HOXA3: variants seen among roughly 807,000 people sequenced by gnomAD.
HOXA3 encodes the protein homeobox A3.
A neutral mutation model predicts 30.3 loss-of-function variants in HOXA3; 8 were observed. That is an observed-to-expected ratio of 0.26 (90% CI 0.15 to 0.48). HOXA3 has a LOEUF of 0.48. HOXA3 is among the 20% of genes least tolerant of loss of function. The probability of loss-of-function intolerance (pLI) is 0.99; values close to 1 mark genes in which losing one functional copy is unlikely to be tolerated. For missense variants in HOXA3, 653 were observed against 614.4 expected, an observed-to-expected ratio of 1.06 and a Z score of -0.66; for synonymous variants, 323 against 273.1, an observed-to-expected ratio of 1.18 and a Z score of -1.80.
At chr7:27,118,971 A>G (rs1240197878) in intron 4 of HOXA3, among the ~76,000 whole-genome samples, 4 of 152,222 alleles carry the variant, frequency 2.6e-5, no homozygotes, top group African/African-American at 9.6e-5. Flanking sequence ...CCACTAGGAA[A>G]GATGTGCTTG....
At position 27,108,756 on chromosome 7, in the gene HOXA3, G is replaced by C; in HGVS notation, c.527-36C>G. 1 of 1,509,112 alleles carries C rather than the reference G, an allele frequency of 6.6e-7. No homozygotes were observed. 93.5% of individuals were successfully genotyped at this position (1,509,112 alleles called of 1,614,324 possible). On this transcript the variant is annotated intron_variant, in intron 5 of 5. Transcript: ENST00000612286. The surrounding 1 kb of genome is among the most constrained non-coding windows in gnomAD (Gnocchi z 5.0). ...AGAGAGAGGAAGAGCGGCGTCAGGG[G>C]CTGCCGCGGCCCCGCCCAGCCCCTG...
chr7:27,111,980 C>G (rs1784404912), intron 4 of HOXA3, among the ~76,000 whole-genome samples: 1 of 152,318 alleles, frequency 6.6e-6, no homozygotes, highest in South Asian at 2.1e-4. Flanking sequence ...TATTTTGTTA[C>G]TTGGCCTATT....
chr7:27,132,015 T>C (rs1157767089), intron 2 of HOXA3, among the ~76,000 whole-genome samples: 1 of 152,228 alleles, frequency 6.6e-6, no homozygotes, highest in African/African-American at 2.4e-5. Context: ...TATTAACAAA[T>C]AAATTACTTA....
chr7:27,147,750 T>G (rs1240202751), intron 1 of HOXA3: 1 of 1,603,836 alleles, frequency 6.2e-7, no homozygotes, highest in East Asian at 2.2e-5. Flanking sequence ...AGGAACTCAT[T>G]TGCGCGCCCC....
At chr7:27,112,522 G>A (rs568970081) in intron 4 of HOXA3, among the ~76,000 whole-genome samples, 2 of 152,302 alleles carry the variant, frequency 1.3e-5, no homozygotes, top group South Asian at 4.1e-4. Context: ...CAGTGATCAT[G>A]AGCCCTGGAG....
chr7:27,151,671 T>C, intron 1 of HOXA3: 2 of 456,752 alleles, frequency 4.4e-6, no homozygotes, highest in Non-Finnish European at 8.8e-6. Context: ...CGGAGAACTC[T>C]GGCTGAATTA....
chr7:27,126,433 G>T (rs1221317332), intron 3 of HOXA3, among the ~76,000 whole-genome samples: 5 of 147,684 alleles, frequency 3.4e-5, no homozygotes, highest in African/African-American at 1.3e-4. Context: ...GGGGCCAGTA[G>T]GGTTTGCTTA....
chr7:27,113,961 C>G lies in HOXA3; in HGVS notation c.-120-3201G>C, dbSNP rs972474240. The G allele has an allele frequency of 2.7e-5, 4 of 149,626 alleles. No homozygotes were observed. The highest frequency in any genetic ancestry group is 4.9e-5 in the African/African-American group (2 of 40,920). 9.3% of individuals were successfully genotyped at this position (149,626 alleles called of 1,614,324 possible). A position where few individuals can be genotyped will look rare whatever the true frequency, so the allele number is the denominator to read the frequency against. On this transcript the variant is annotated intron_variant, in intron 4 of 5. Transcript: ENST00000612286. This position sits in a 1 kb window ranked among gnomAD's most constrained non-coding sequence, Gnocchi z 4.8. Reference sequence around the variant, plus strand: ...CCGGAGATAAGCGCTAGTGCGGCGCCGGGCTCTGCCTGGGCTAGTGGCACC... The same window carrying G: ...CCGGAGATAAGCGCTAGTGCGGCGCGGGGCTCTGCCTGGGCTAGTGGCACC...
intron 1 of HOXA3, chr7:27,147,711 G>A: frequency 6.2e-7 from 1 of 1,612,000 alleles, no homozygotes; most frequent in East Asian, 2.2e-5. Context: ...CGCTGGGAAG[G>A]CTCCCGGGGA....
intron 1 of HOXA3, chr7:27,147,386 C>T: frequency 6.2e-7 from 1 of 1,614,212 alleles, no homozygotes. Flanking sequence ...TCATGGAGTG[C>T]TTTGCCCTGC....
chr7:27,110,048 T>C (rs971768910), intron 5 of HOXA3, 67 bp downstream of exon 5: 8 of 1,577,960 alleles, frequency 5.1e-6, no homozygotes, highest in Non-Finnish European at 7.0e-6. Flanking sequence ...GTGCTGGATG[T>C]CGTGGGCAGT....
rs760117879 is a variant in HOXA3 at position 27,110,574 on chromosome 7, C to G, written c.67G>C (p.Gly23Arg). Reference sequence around the variant, plus strand: ...TGCTGATTGGCATTATAAGCGAACCCGTTGGCTGCCTGGTAGGGGTAGCCA... The same window carrying G: ...TGCTGATTGGCATTATAAGCGAACCGGTTGGCTGCCTGGTAGGGGTAGCCA... ...YGGYPYQAAN[G>R]FAYNANQQPY... is the part of the protein sequence containing the mutation. Residue 23 changes from glycine (G) to arginine (R), a missense_variant, in exon 5 of 6, where the codon GGG (glycine) becomes CGG (arginine). Gly to Arg is a moderately radical substitution (Grantham distance 125). Around this residue, in one of 3 missense-constraint regions of HOXA3, gnomAD observed 320 missense variants for 321.9 expected, o/e 0.99. Coordinates refer to ENST00000612286, the MANE Select transcript of HOXA3 (RefSeq NM_153631.3). 5.6e-6 allele frequency: 9 copies of G among 1,606,976 alleles called. No individual in the cohort carries two copies. The highest frequency in any genetic ancestry group is 4.5e-5 in the East Asian group (2 of 44,600).
chr7:27,137,830 T>A (rs1275550194), intron 2 of HOXA3, among the ~76,000 whole-genome samples: 3 of 152,264 alleles, frequency 2.0e-5, no homozygotes, highest in Non-Finnish European at 4.4e-5. Flanking sequence ...TCTGTGGTAC[T>A]GGATATGACT....
chr7:27,120,215 G>A (rs1347214351), intron 4 of HOXA3, among the ~76,000 whole-genome samples: 1 of 152,104 alleles, frequency 6.6e-6, no homozygotes, highest in East Asian at 1.9e-4. Flanking sequence ...CCCCTTCAAA[G>A]CTCTTGGAAC....
rs1261273215 is a variant in HOXA3, at chr7:27,107,990, G to A, written c.1257C>T (p.Pro419=). 1.2e-6 allele frequency: 2 copies of A among 1,611,346 alleles called. No individual in the cohort carries two copies. The highest frequency in any genetic ancestry group is 2.7e-5 in the African/African-American group (2 of 74,818). ...GGTGGCCGGTAAGGTCCGTGTAGGT[G>A]GGGTGCGGCTCCCCAGGCCCCGGCC... The part of the protein sequence containing the change: ...HHGPGPGEPH[P]TYTDLTGHHP... Residue 419 remains proline, a synonymous_variant, in exon 6 of 6, where the codon CCC becomes CCT. Coordinates refer to ENST00000612286, the MANE Select transcript of HOXA3 (RefSeq NM_153631.3).
At chr7:27,152,087 TGTGTGTGCGTGCGCGC>T (rs6150040) in intron 1 of HOXA3, among the ~76,000 whole-genome samples, 185 bp downstream of exon 1, 87,761 of 151,078 alleles carry the variant, frequency 0.58, 30,371 homozygotes, top group South Asian at 0.77. Context: ...GGTGTGTGTG[TGTGTGTGCGTGCGCGC>T]GTGTGTGCCT....
intron 4 of HOXA3, among the ~76,000 whole-genome samples, chr7:27,114,485 C>A (rs1784565582): frequency 6.6e-6 from 1 of 151,718 alleles, no homozygotes; most frequent in African/African-American, 2.4e-5. Context: ...TCTCTAGAGA[C>A]CCTCAAGAGC....
rs761904078 is a variant in HOXA3 at position 27,142,080 on chromosome 7, T to C, written c.-493-1894A>G. On this transcript the variant is annotated intron_variant, in intron 1 of 5. Coordinates refer to ENST00000612286, the MANE Select transcript of HOXA3 (RefSeq NM_153631.3). ...GCCCTTTTGCCTTCCGGGCCGCCTA[T>C]GTTGTCTGCAATAGAAAAGTCAGCG... 90 of 1,613,160 alleles carry C rather than the reference T, an allele frequency of 5.6e-5. 2 individuals are homozygous for C. In the South Asian group the frequency reaches 9.6e-4, roughly 17 times the overall value.
intron 2 of HOXA3, among the ~76,000 whole-genome samples, chr7:27,131,885 A>G (rs1415478448): frequency 6.6e-6 from 1 of 152,242 alleles, no homozygotes; most frequent in Non-Finnish European, 1.5e-5. Context: ...GACAGTCTAT[A>G]ATTTCTGAAT....
Sources: allele counts gnomAD v4.1 joint callset (sites outside exome capture counted in the v4.1 genomes callset), GRCh38; gene constraint gnomAD v4.1.1; regional missense constraint gnomAD v4.1.1; non-coding constraint Gnocchi (gnomAD v3.1); transcripts MANE v1.5; gene names NCBI Gene and HGNC (gene_info 2026-07-23, HGNC 2026-07-21).